Variants in SMC3 observed in about 807,000 individuals in gnomAD.
SMC3 encodes structural maintenance of chromosomes protein 3.
SMC3 carries 20 observed loss-of-function variants against 171.8 expected under a neutral mutation model. The observed-to-expected ratio is 0.12, with a 90% CI of 0.08 to 0.17. The LOEUF is 0.17. SMC3 is among the 10% of genes least tolerant of loss of function. SMC3 has a pLI of 1.00. For missense variants in SMC3, 543 were observed against 1,420.4 expected, an observed-to-expected ratio of 0.38 and a Z score of 9.93; for synonymous variants, 464 against 451.1, an observed-to-expected ratio of 1.03 and a Z score of -0.36.
At chr10:110,587,975 A>G (rs1162289615) in intron 13 of SMC3, among the ~76,000 whole-genome samples, 1 of 152,180 alleles carries the variant, frequency 6.6e-6, no homozygotes, top group Non-Finnish European at 1.5e-5. Flanking sequence ...ATTATCCAAG[A>G]TGTTAAAAGT....
intron 1 of SMC3, among the ~76,000 whole-genome samples, chr10:110,568,154 G>T (rs1860805551): frequency 6.6e-6 from 1 of 152,136 alleles, no homozygotes; most frequent in Non-Finnish European, 1.5e-5. Flanking sequence ...CAGAGCTGGC[G>T]GGGGGCACCC....
At chr10:110,579,376 C>T (rs367818116) in intron 7 of SMC3, among the ~76,000 whole-genome samples, 6 of 151,914 alleles carry the variant, frequency 3.9e-5, no homozygotes, top group East Asian at 3.9e-4. Flanking sequence ...CGTTTTTTTC[C>T]GATTTAACTA....
rs2134752688 is a variant in SMC3 at position 110,601,775 on chromosome 10, G to A, written c.2783G>A (p.Arg928Gln). Residue 928 changes from arginine (R) to glutamine (Q), a missense_variant, in exon 24 of 29, where the codon CGG becomes CAG. Around this residue, in one of 8 missense-constraint regions of SMC3, gnomAD observed 81 missense variants for 184.2 expected, o/e 0.44. Transcript: ENST00000361804. ...AAAGAACTGGAAAAGATGACAAATC[G>A]GCAAGGCATGCTATTGAAGAAGAAA... ...DTKELEKMTN[R>Q]QGMLLKKKEE... The A allele has an allele frequency of 3.7e-6, 6 of 1,613,736 alleles. No individual in the cohort carries two copies. Among genetic ancestry groups the A allele is most frequent in the Non-Finnish European group, 5.1e-6 (6 of 1,179,872 alleles).
At chr10:110,576,300 G>C (rs1341990958) in intron 4 of SMC3, among the ~76,000 whole-genome samples, 1 of 152,178 alleles carries the variant, frequency 6.6e-6, no homozygotes, top group Non-Finnish European at 1.5e-5. Flanking sequence ...TTGAACCATC[G>C]TAAGTTGGGG....
At chr10:110,583,327 A>G (rs1861060438) in intron 10 of SMC3, 57 bp from the exon 11 acceptor site, 1 of 1,378,862 alleles carries the variant, frequency 7.3e-7, no homozygotes, top group Admixed American at 1.7e-5. Flanking sequence ...TAATGGTGTC[A>G]CAATTCTGCT....
chr10:110,567,827 A>G lies in SMC3; in HGVS notation c.11A>G (p.Lys4Arg), dbSNP rs890348077. 1 of 1,613,386 alleles carries G rather than the reference A, an allele frequency of 6.2e-7. No individual in the cohort carries two copies. Among genetic ancestry groups the G allele is most frequent in the African/African-American group, 1.3e-5 (1 of 74,924 alleles). The change falls in exon 1 of 29, where the codon AAG becomes AGG. Residue 4 changes from lysine to arginine, a missense_variant. This residue lies in a region of SMC3 where 146 missense variants were observed against 437.9 expected (regional missense o/e 0.33). Coordinates refer to ENST00000361804, the MANE Select transcript of SMC3 (RefSeq NM_005445.4). ...CAGGGGCCCGGAATCATGTACATAA[A>G]GCAGGTAAGGCCTTCGCGTCCCTCC... MYI[K>R]QVIIQGFRSY...
chr10:110,583,984 C>G, intron 12 of SMC3, 22 bp downstream of exon 12: 1 of 1,612,276 alleles, frequency 6.2e-7, no homozygotes, highest in Non-Finnish European at 8.5e-7. Context: ...TTCACCAACA[C>G]TTTAACTTTC....
intron 16 of SMC3, 65 bp downstream of exon 16, chr10:110,590,637 T>C (rs762978975): frequency 7.4e-6 from 10 of 1,356,598 alleles, no homozygotes; most frequent in East Asian, 2.3e-5. Context: ...TAAACAACTT[T>C]TGTAGTTTTT....
chr10:110,589,383 A>G (rs1457282930), intron 13 of SMC3, among the ~76,000 whole-genome samples: 4 of 152,180 alleles, frequency 2.6e-5, no homozygotes, highest in Non-Finnish European at 5.9e-5. Flanking sequence ...ATGAGTTTTG[A>G]CATACGTATA....
intron 13 of SMC3, among the ~76,000 whole-genome samples, chr10:110,586,125 TAA>T (rs924641319): frequency 1.3e-5 from 2 of 152,082 alleles, no homozygotes; most frequent in African/African-American, 4.8e-5. Context: ...TTGCCCACTT[TAA>T]GTTTTTGGTG....
chr10:110,579,036 G>T (rs894562693), intron 7 of SMC3, among the ~76,000 whole-genome samples: 6 of 152,134 alleles, frequency 3.9e-5, no homozygotes, highest in African/African-American at 1.2e-4. Flanking sequence ...TTAATATTTT[G>T]TGTTACCTAA....
At chr10:110,595,226 T>A (rs10884992) in intron 18 of SMC3, among the ~76,000 whole-genome samples, 1 of 152,050 alleles carries the variant, frequency 6.6e-6, no homozygotes, top group Non-Finnish European at 1.5e-5. Context: ...GTGATCTGCC[T>A]GCCTCAACCT....
At chr10:110,580,788 C>T (rs1271163711) in intron 7 of SMC3, 116 bp from the exon 8 acceptor site, 1 of 734,026 alleles carries the variant, frequency 1.4e-6, no homozygotes, top group African/African-American at 1.8e-5. Context: ...TGGTTTCTAA[C>T]CATTTTGCAT....
chr10:110,585,860 C>T (rs1358612878), intron 13 of SMC3, among the ~76,000 whole-genome samples: 1 of 151,860 alleles, frequency 6.6e-6, no homozygotes, highest in Admixed American at 6.6e-5. Flanking sequence ...TGCAGTGGCG[C>T]GATCTCGGCT....
intron 5 of SMC3, 24 bp from the exon 6 acceptor site, chr10:110,577,809 CTG>C (rs778555876): frequency 6.6e-7 from 1 of 1,518,166 alleles, no homozygotes; most frequent in South Asian, 1.1e-5. Flanking sequence ...ATTAAATTAA[CTG>C]TGGGCTTTTA....
intron 16 of SMC3, 124 bp downstream of exon 16, chr10:110,590,696 C>G: frequency 1.2e-6 from 1 of 835,276 alleles, no homozygotes; most frequent in South Asian, 1.7e-5. Flanking sequence ...CCTTAACTTT[C>G]TAATTAAAGA....
intron 13 of SMC3, among the ~76,000 whole-genome samples, chr10:110,588,596 G>A (rs1473447468): frequency 2.6e-5 from 4 of 152,066 alleles, no homozygotes; most frequent in Admixed American, 2.6e-4. Flanking sequence ...TGTTTGCTTT[G>A]GTCTTTTATG....
intron 1 of SMC3, 63 bp downstream of exon 1, chr10:110,567,894 G>A (rs1296742304): frequency 1.9e-6 from 3 of 1,581,858 alleles, no homozygotes; most frequent in Admixed American, 3.5e-5. Context: ...TGAGGCGGGA[G>A]TGTTGCGGCG....
chr10:110,601,471 A>ATG (rs1470529554), intron 23 of SMC3, among the ~76,000 whole-genome samples, 166 bp from the exon 24 acceptor site: 1 of 152,200 alleles, frequency 6.6e-6, no homozygotes, highest in African/African-American at 2.4e-5. Flanking sequence ...ACTCATATAT[A>ATG]CTTCTAATTT....
Sources: allele counts gnomAD v4.1 joint callset (sites outside exome capture counted in the v4.1 genomes callset), GRCh38; gene constraint gnomAD v4.1.1; regional missense constraint gnomAD v4.1.1; transcripts MANE v1.5; gene names NCBI Gene and HGNC (gene_info 2026-07-23, HGNC 2026-07-21).